Variants in GMDS observed in about 807,000 individuals in gnomAD.
GMDS encodes the protein GDP-mannose 4,6-dehydratase, also known as GDP-mannose 4,6 dehydratase.
A neutral mutation model predicts 49.9 loss-of-function variants in GMDS; 20 were observed. That is an observed-to-expected ratio of 0.40 (90% confidence interval 0.28 to 0.58). The LOEUF (loss-of-function observed/expected upper bound fraction) is 0.58. Ranked by LOEUF, GMDS falls within the 20% of genes least tolerant of loss-of-function variation. The pLI is 0.42. For synonymous variants in GMDS, 177 were observed against 178.6 expected (o/e 0.99, Z 0.07); for missense variants, 362 against 481.4 (o/e 0.75, Z 2.32).
intron 4 of GMDS, among the ~76,000 whole-genome samples, chr6:2,012,505 A>C (rs6596867): frequency 0.47 from 70,906 of 151,930 alleles, 16,876 homozygotes; most frequent in African/African-American, 0.55. Flanking sequence ...ATATAAAGAA[A>C]TTGGGTTTAC....
intron 4 of GMDS, among the ~76,000 whole-genome samples, chr6:2,060,026 A>C (rs1771052537): frequency 6.6e-6 from 1 of 152,190 alleles, no homozygotes; most frequent in Non-Finnish European, 1.5e-5. Context: ...AAAATACATA[A>C]GCAAATAATA....
At chr6:1,693,394 T>A (rs1269286073) in intron 9 of GMDS, among the ~76,000 whole-genome samples, 1 of 152,212 alleles carries the variant, frequency 6.6e-6, no homozygotes, top group African/African-American at 2.4e-5. Flanking sequence ...CTGAACTCTG[T>A]CCTCTAAGCT....
At chr6:1,898,838 T>C (rs900546197) in intron 7 of GMDS, among the ~76,000 whole-genome samples, 3 of 152,134 alleles carry the variant, frequency 2.0e-5, no homozygotes, top group Non-Finnish European at 4.4e-5. Context: ...GGCCAGAAAG[T>C]GTGCCAGTGG....
At chr6:1,951,412 T>C (rs1307861346) in intron 6 of GMDS, among the ~76,000 whole-genome samples, 2 of 152,224 alleles carry the variant, frequency 1.3e-5, no homozygotes, top group East Asian at 3.8e-4. Flanking sequence ...ATGAAGCCCA[T>C]ATTTAAAGGA....
chr6:2,124,233 T>C (rs1193808753), intron 2 of GMDS, among the ~76,000 whole-genome samples: 1 of 152,210 alleles, frequency 6.6e-6, no homozygotes, highest in Non-Finnish European at 1.5e-5. Flanking sequence ...CCATAAAATA[T>C]ATGGTTGCCT....
At chr6:2,194,464 AAAT>A (rs1473904460) in intron 1 of GMDS, among the ~76,000 whole-genome samples, 3 of 152,234 alleles carry the variant, frequency 2.0e-5, no homozygotes, top group African/African-American at 7.2e-5. Flanking sequence ...TAAACCCAAT[AAAT>A]AAACATTTCA....
Position 2,191,246 on chromosome 6 carries a change from C to T in GMDS, c.102+54075G>A, listed in dbSNP as rs1408222050. ...GACCCGCTATCCGCTCCTGGAGGCA[C>T]CCCCTGGGGAAGGGCCGCAAGCGGG... On this transcript the variant is annotated intron_variant, in intron 1 of 10. Transcript: ENST00000380815. The surrounding 1 kb of genome is among the most constrained non-coding windows in gnomAD (Gnocchi z 4.6). Among the ~76,000 whole-genome samples the T allele has an allele frequency of 6.6e-6, 1 of 152,156 alleles. No individual in the cohort carries two copies. The highest frequency in any genetic ancestry group is 2.4e-5 in the African/African-American group (1 of 41,452).
At chr6:1,633,644 C>T (rs993971370) in intron 9 of GMDS, among the ~76,000 whole-genome samples, 1 of 152,154 alleles carries the variant, frequency 6.6e-6, no homozygotes, top group Non-Finnish European at 1.5e-5. Context: ...ACAGAAAGAT[C>T]TGGGGTGTGA....
In GMDS at chr6:2,052,116, C is replaced by CAAAAAA. The variant is rs1285013159; in HGVS notation, c.345+63649_345+63654dup. Among the ~76,000 whole-genome samples the CAAAAAA allele has an allele frequency of 3.3e-3, 144 of 43,582 alleles. 4 individuals are homozygous for CAAAAAA. The highest frequency in any genetic ancestry group is 3.4e-3 in the East Asian group (4 of 1,176). 28.6% of individuals were successfully genotyped at this position (43,582 alleles called of 152,430 possible). A position where few individuals can be genotyped will look rare whatever the true frequency, so the allele number is the denominator to read the frequency against. ...TGGGTGACAGAGCAAGACTCTGTCT[C>CAAAAAA]AAAAAAAAAAAAAAGAAAAAAAAAA... On this transcript the variant is annotated intron_variant, in intron 4 of 10. Coordinates refer to ENST00000380815, the MANE Select transcript of GMDS (RefSeq NM_001500.4).
intron 6 of GMDS, among the ~76,000 whole-genome samples, chr6:1,945,095 G>A (rs1049345027): frequency 6.6e-6 from 1 of 152,184 alleles, no homozygotes; most frequent in African/African-American, 2.4e-5. Flanking sequence ...AATAAAGGAT[G>A]ACTTCTAAGA....
chr6:1,674,520 A>C (rs1764533873), intron 9 of GMDS, among the ~76,000 whole-genome samples: 2 of 128,460 alleles, frequency 1.6e-5, no homozygotes, highest in South Asian at 5.0e-4. Flanking sequence ...GAAGTTTTTA[A>C]TTTTTCTGAA....
At chr6:2,103,983 G>A (rs1774075543) in intron 4 of GMDS, among the ~76,000 whole-genome samples, 2 of 152,100 alleles carry the variant, frequency 1.3e-5, no homozygotes, top group African/African-American at 4.8e-5. Context: ...GCTGACATTT[G>A]AGCAAACGTT....
chr6:1,777,496 T>C (rs1768884521), intron 7 of GMDS, among the ~76,000 whole-genome samples: 5 of 152,172 alleles, frequency 3.3e-5, no homozygotes, highest in Admixed American at 2.0e-4. Context: ...ATTAAGAAAA[T>C]ACACACACAC....
intron 7 of GMDS, among the ~76,000 whole-genome samples, chr6:1,912,197 C>T (rs567516000): frequency 6.6e-6 from 1 of 152,154 alleles, no homozygotes; most frequent in Admixed American, 6.5e-5. Flanking sequence ...GAAACTCTGT[C>T]TCTACTAAAA....
At chr6:2,234,945 G>C (rs1268534746) in intron 1 of GMDS, among the ~76,000 whole-genome samples, 2 of 152,094 alleles carry the variant, frequency 1.3e-5, no homozygotes, top group African/African-American at 4.8e-5. Flanking sequence ...GACCAACATG[G>C]AGAAACCCCG....
chr6:2,114,509 G>A (rs1774733335), intron 4 of GMDS, among the ~76,000 whole-genome samples: 1 of 152,128 alleles, frequency 6.6e-6, no homozygotes, highest in Non-Finnish European at 1.5e-5. Flanking sequence ...AAAACACATG[G>A]AGAATCATTT....
intron 4 of GMDS, among the ~76,000 whole-genome samples, chr6:2,090,254 C>T (rs761911016): frequency 7.9e-5 from 12 of 152,154 alleles, no homozygotes; most frequent in South Asian, 6.2e-4. Context: ...AATCTCTACA[C>T]AAAAAGTGTT....
At chr6:2,077,311 T>A (rs1365452938) in intron 4 of GMDS, among the ~76,000 whole-genome samples, 1 of 152,134 alleles carries the variant, frequency 6.6e-6, no homozygotes, top group Non-Finnish European at 1.5e-5. Flanking sequence ...GGATTTCCAG[T>A]GCCATGTAGA....
intron 7 of GMDS, among the ~76,000 whole-genome samples, chr6:1,873,943 G>A (rs1460409722): frequency 2.6e-5 from 4 of 152,180 alleles, no homozygotes; most frequent in East Asian, 1.9e-4. Context: ...ACAATCAATC[G>A]ATTGTGCCTT....
Sources: allele counts gnomAD v4.1 joint callset (sites outside exome capture counted in the v4.1 genomes callset), GRCh38; gene constraint gnomAD v4.1.1; non-coding constraint Gnocchi (gnomAD v3.1); transcripts MANE v1.5; gene names NCBI Gene and HGNC (gene_info 2026-07-23, HGNC 2026-07-21).